The following TAFA1 variants were observed in gnomAD, a reference collection of about 807,000 sequenced individuals.
The protein encoded by TAFA1 is TAFA chemokine like family member 1.
TAFA1 carries 4 observed loss-of-function variants against 18.5 expected under a neutral mutation model. The ratio of observed to expected loss-of-function variants is 0.22; its 90% CI spans 0.11 to 0.49. The LOEUF (loss-of-function observed/expected upper bound fraction) is 0.49, where lower values mean the gene tolerates loss of function less well. Ranked by LOEUF, TAFA1 falls within the 20% of genes least tolerant of loss-of-function variation. The pLI is 0.98. For missense variants in TAFA1, 147 were observed against 169.0 expected (o/e 0.87, Z 0.72); for synonymous variants, 56 against 55.2 (o/e 1.01, Z -0.06).
chr3:68,151,432 T>C (rs1477865319), intron 2 of TAFA1, among the ~76,000 whole-genome samples: 2 of 152,162 alleles, frequency 1.3e-5, no homozygotes, highest in East Asian at 3.9e-4. Context: ...TTGCTTTGTG[T>C]TGCTGTAATA....
intron 2 of TAFA1, among the ~76,000 whole-genome samples, chr3:68,252,316 G>C (rs1440003171): frequency 6.6e-6 from 1 of 152,056 alleles, no homozygotes; most frequent in Non-Finnish European, 1.5e-5. Context: ...TCCAATACTA[G>C]CCTACATGTT....
intron 2 of TAFA1, among the ~76,000 whole-genome samples, chr3:68,349,468 G>A (rs1421158770): frequency 6.6e-6 from 1 of 151,892 alleles, no homozygotes; most frequent in Non-Finnish European, 1.5e-5. Flanking sequence ...TAGACAAGAG[G>A]AAGAGTTAAC....
chr3:68,507,608 C>A (rs2072780916), intron 3 of TAFA1, among the ~76,000 whole-genome samples: 1 of 151,982 alleles, frequency 6.6e-6, no homozygotes, highest in African/African-American at 2.4e-5. Flanking sequence ...TTTTTAGGCT[C>A]TAAAGTTGTT....
At chr3:68,458,826 A>G (rs2071717485) in intron 3 of TAFA1, among the ~76,000 whole-genome samples, 2 of 151,974 alleles carry the variant, frequency 1.3e-5, no homozygotes, top group African/African-American at 4.8e-5. Context: ...CTTCCATAAG[A>G]AAGGGCAAAC....
intron 3 of TAFA1, among the ~76,000 whole-genome samples, chr3:68,430,610 C>T (rs2071151197): frequency 6.6e-6 from 1 of 151,914 alleles, no homozygotes; most frequent in South Asian, 2.1e-4. Flanking sequence ...ACAAACATCT[C>T]CTATGAAGTG....
intron 2 of TAFA1, among the ~76,000 whole-genome samples, chr3:68,365,311 T>G (rs961166563): frequency 2.6e-5 from 4 of 152,180 alleles, no homozygotes; most frequent in African/African-American, 9.7e-5. Flanking sequence ...AAACCCATTT[T>G]CTGGCCGCTC....
rs568757939 is a variant in TAFA1 at position 68,116,034 on chromosome 3, A to G, written c.118+109290A>G. ...CACTTTGGGAGGCCGAGGTGGGCGG[A>G]TCACGAGGTCAGGAGAGTGAGACCA... On this transcript the variant is annotated intron_variant, in intron 2 of 4. Transcript: ENST00000478136. 7.9e-5 allele frequency among the ~76,000 whole-genome samples: 12 copies of G among 152,276 alleles called. No individual in the cohort carries two copies. The South Asian group carries it at 2.3e-3, about 29-fold the overall frequency.
chr3:68,417,801 A>C (rs1041004799), intron 3 of TAFA1, among the ~76,000 whole-genome samples: 7 of 152,178 alleles, frequency 4.6e-5, no homozygotes, highest in Non-Finnish European at 1.0e-4. Context: ...TACAGGAAGC[A>C]TGGCTACGGA....
chr3:68,026,827 G>T (rs1458880608), intron 2 of TAFA1, among the ~76,000 whole-genome samples: 2 of 152,128 alleles, frequency 1.3e-5, no homozygotes, highest in African/African-American at 4.8e-5. Flanking sequence ...TTCTTGCATT[G>T]CTATAAAGAA....
chr3:68,267,101 A>G (rs753658801), intron 2 of TAFA1, among the ~76,000 whole-genome samples: 1 of 152,132 alleles, frequency 6.6e-6, no homozygotes, highest in Non-Finnish European at 1.5e-5. Flanking sequence ...TCTCCTCACA[A>G]CAAGTCAAGT....
At chr3:68,525,579 A>G (rs1271678933) in intron 3 of TAFA1, among the ~76,000 whole-genome samples, 1 of 152,202 alleles carries the variant, frequency 6.6e-6, no homozygotes, top group East Asian at 1.9e-4. Context: ...ACTTTTTAAG[A>G]GGTGAAGGTC....
At chr3:68,361,826 T>C (rs2069474263) in intron 2 of TAFA1, among the ~76,000 whole-genome samples, 2 of 152,234 alleles carry the variant, frequency 1.3e-5, no homozygotes, top group Non-Finnish European at 1.5e-5. Flanking sequence ...GAGATTTATC[T>C]TATGCCCATT....
intron 3 of TAFA1, among the ~76,000 whole-genome samples, chr3:68,490,066 G>A (rs2072421612): frequency 6.6e-6 from 1 of 152,138 alleles, no homozygotes; most frequent in African/African-American, 2.4e-5. Flanking sequence ...CAATGATAGA[G>A]CTCAAGCTTT....
intron 2 of TAFA1, among the ~76,000 whole-genome samples, chr3:68,165,557 C>A (rs764853259): frequency 2.0e-5 from 3 of 152,188 alleles, no homozygotes; most frequent in Non-Finnish European, 4.4e-5. Flanking sequence ...ATATAAAAGG[C>A]AAAGAAGGTA....
chr3:68,139,033 G>A (rs1250275972), intron 2 of TAFA1, among the ~76,000 whole-genome samples: 1 of 152,134 alleles, frequency 6.6e-6, no homozygotes, highest in Admixed American at 6.6e-5. Flanking sequence ...TGACCATGTA[G>A]AAACAGGCAG....
chr3:68,424,153 G>A (rs764416370), intron 3 of TAFA1, among the ~76,000 whole-genome samples: 3 of 151,952 alleles, frequency 2.0e-5, no homozygotes, highest in African/African-American at 2.4e-5. Context: ...AACTTACAAC[G>A]TAACAGAACA....
At chr3:68,170,581 T>G (rs4508789) in intron 2 of TAFA1, among the ~76,000 whole-genome samples, 148,168 of 152,220 alleles carry the variant, frequency 0.97, 72,132 homozygotes, top group East Asian at 1. Flanking sequence ...ACATGCATGT[T>G]CAGAGCTGTG....
At chr3:68,011,612 G>A (rs1704472930) in intron 2 of TAFA1, among the ~76,000 whole-genome samples, 1 of 152,140 alleles carries the variant, frequency 6.6e-6, no homozygotes, top group Non-Finnish European at 1.5e-5. Flanking sequence ...TTACAATAAA[G>A]GGTTGTTTTA....
At chr3:68,203,227 A>T (rs1017800370) in intron 2 of TAFA1, among the ~76,000 whole-genome samples, 1 of 151,444 alleles carries the variant, frequency 6.6e-6, no homozygotes, top group Non-Finnish European at 1.5e-5. Context: ...TCACGACTTT[A>T]TCTTTCCTTT....
Sources: allele counts gnomAD v4.1 joint callset (sites outside exome capture counted in the v4.1 genomes callset), GRCh38; gene constraint gnomAD v4.1.1; transcripts MANE v1.5; gene names NCBI Gene and HGNC (gene_info 2026-07-23, HGNC 2026-07-21).